Variants in GPC5 observed in about 807,000 individuals in gnomAD.
The protein encoded by GPC5 is glypican 5, also known as glypican-5.
Under a neutral mutation model 53.9 loss-of-function variants are expected in GPC5, and 47 were observed. That is an observed-to-expected ratio of 0.87 (90% CI 0.69 to 1.11). GPC5 has a LOEUF of 1.11. Among genes scored for constraint, GPC5 ranks in the 50% most tolerant of loss-of-function variants. The pLI is 0.00. For missense variants in GPC5, 748 were observed against 713.1 expected (o/e 1.05, Z -0.56); for synonymous variants, 286 against 263.3 (o/e 1.09, Z -0.84).
At chr13:91,874,557 T>C (rs1386597372) in intron 5 of GPC5, among the ~76,000 whole-genome samples, 1 of 152,200 alleles carries the variant, frequency 6.6e-6, no homozygotes, top group Non-Finnish European at 1.5e-5. Flanking sequence ...ACTACCCTTC[T>C]GTTGAATTTC....
intron 2 of GPC5, among the ~76,000 whole-genome samples, chr13:91,672,956 A>G (rs1284146094): frequency 6.6e-6 from 1 of 152,194 alleles, no homozygotes; most frequent in Non-Finnish European, 1.5e-5. Flanking sequence ...GCTGGAAGCC[A>G]TCATCCTCAG....
At chr13:92,328,059 C>T (rs1017470141) in intron 7 of GPC5, among the ~76,000 whole-genome samples, 1 of 152,154 alleles carries the variant, frequency 6.6e-6, no homozygotes, top group African/African-American at 2.4e-5. Context: ...GCTTTGCGTA[C>T]ACCTCTTGTG....
At chr13:91,700,499 T>G (rs2035970040) in intron 3 of GPC5, among the ~76,000 whole-genome samples, 1 of 152,214 alleles carries the variant, frequency 6.6e-6, no homozygotes, top group Non-Finnish European at 1.5e-5. Context: ...AGCAGAGGCC[T>G]CCTAGAAGAG....
intron 5 of GPC5, among the ~76,000 whole-genome samples, chr13:91,789,047 C>G (rs1013379875): frequency 6.6e-6 from 1 of 152,034 alleles, no homozygotes; most frequent in Non-Finnish European, 1.5e-5. Flanking sequence ...AACCCCATCT[C>G]TACTAAAAAT....
intron 5 of GPC5, among the ~76,000 whole-genome samples, chr13:91,833,086 C>A (rs1240183148): frequency 1.3e-5 from 2 of 152,076 alleles, no homozygotes; most frequent in East Asian, 3.9e-4. Flanking sequence ...CACAGAAATA[C>A]AAACTACCAT....
intron 6 of GPC5, among the ~76,000 whole-genome samples, chr13:92,025,911 T>C (rs2138798246): frequency 6.6e-6 from 1 of 152,314 alleles, no homozygotes; most frequent in South Asian, 2.1e-4. Context: ...TTTGTGAATG[T>C]CTTGATTCTT....
At chr13:91,652,353 G>A (rs1194753686) in intron 2 of GPC5, among the ~76,000 whole-genome samples, 1 of 152,054 alleles carries the variant, frequency 6.6e-6, no homozygotes, top group African/African-American at 2.4e-5. Context: ...CTCAGAATAT[G>A]ATTTTTATTT....
In GPC5 at chr13:92,745,115, ATTT is replaced by A. The variant is rs556635956; in HGVS notation, c.1562-121165_1562-121163del. The stretch of plus-strand genomic sequence containing the variant: ...TAAAACATTTTGACATTTGGGATTC[ATTT>A]TCAAATTTTAGCCCAAAATTTCATA... On this transcript the variant is annotated intron_variant, in intron 7 of 7. Transcript: ENST00000377067. Among the ~76,000 whole-genome samples the A allele has an allele frequency of 6.2e-3, 943 of 152,198 alleles. 12 individuals are homozygous for A. The highest frequency in any genetic ancestry group is 0.022 in the African/African-American group (896 of 41,542).
intron 7 of GPC5, among the ~76,000 whole-genome samples, chr13:92,580,525 G>C (rs1444142096): frequency 1.3e-5 from 2 of 152,132 alleles, no homozygotes; most frequent in Admixed American, 6.6e-5. Flanking sequence ...CTGAGGCTGA[G>C]TAATTTACAT....
At chr13:92,216,436 G>C (rs149154127) in intron 7 of GPC5, among the ~76,000 whole-genome samples, 79 of 152,264 alleles carry the variant, frequency 5.2e-4, no homozygotes, top group African/African-American at 1.7e-3. Context: ...GTTTATAGAG[G>C]AGCTTGTCAA....
chr13:92,183,628 T>C (rs755022073), intron 7 of GPC5, among the ~76,000 whole-genome samples: 3 of 152,148 alleles, frequency 2.0e-5, no homozygotes, highest in Non-Finnish European at 4.4e-5. Flanking sequence ...CTAGAATTTT[T>C]ATTTTGGTTG....
At chr13:91,652,763 A>C (rs1469840769) in intron 2 of GPC5, among the ~76,000 whole-genome samples, 1 of 152,180 alleles carries the variant, frequency 6.6e-6, no homozygotes, top group Non-Finnish European at 1.5e-5. Context: ...TGTAAGGAGG[A>C]CCTACTATAG....
At chr13:92,496,374 C>A (rs973251854) in intron 7 of GPC5, among the ~76,000 whole-genome samples, 5 of 151,968 alleles carry the variant, frequency 3.3e-5, no homozygotes, top group Non-Finnish European at 7.4e-5. Context: ...TCGATGTTTC[C>A]AATTTGAAAA....
At chr13:92,536,330 T>C (rs374357931) in intron 7 of GPC5, among the ~76,000 whole-genome samples, 31 of 152,250 alleles carry the variant, frequency 2.0e-4, no homozygotes, top group African/African-American at 7.5e-4. Context: ...GAAAGATGTA[T>C]ACCAATAAAA....
rs1566276658 is a variant in GPC5, at chr13:92,527,160, GAAAGAAAGAAAGAGAA to G, written c.1562-339120_1562-339105del. On this transcript the variant is annotated intron_variant, in intron 7 of 7. Transcript: ENST00000377067. ...AGAAAGAAAGAAAGAAAGAAAGAAA[GAAAGAAAGAAAGAGAA>G]AGAAAGAAGAAAGAAAGAAAGAAAG... 9.8e-4 allele frequency among the ~76,000 whole-genome samples: 106 copies of G among 107,946 alleles called. 3 individuals carry two copies. The highest frequency in any genetic ancestry group is 1.2e-3 in the Non-Finnish European group (63 of 51,094). The allele number at this position is 107,946 out of a possible 152,430, so 70.8% of individuals were successfully genotyped here.
At chr13:92,758,487 AAAG>A (rs1875008121) in intron 7 of GPC5, among the ~76,000 whole-genome samples, 1 of 152,134 alleles carries the variant, frequency 6.6e-6, no homozygotes, top group African/African-American at 2.4e-5. Flanking sequence ...ATAATAAAAA[AAAG>A]AATATTTTCT....
At chr13:91,639,125 C>T (rs773210084) in intron 2 of GPC5, among the ~76,000 whole-genome samples, 2 of 152,098 alleles carry the variant, frequency 1.3e-5, no homozygotes, top group Non-Finnish European at 2.9e-5. Context: ...TTTCTTCTGT[C>T]CCTCTGTCTT....
chr13:92,506,145 T>C (rs1880359757), intron 7 of GPC5, among the ~76,000 whole-genome samples: 1 of 152,206 alleles, frequency 6.6e-6, no homozygotes, highest in African/African-American at 2.4e-5. Context: ...AAAATAATTA[T>C]CCACTACATA....
At chr13:92,840,128 TAC>T (rs1878387090) in intron 7 of GPC5, among the ~76,000 whole-genome samples, 2 of 131,952 alleles carry the variant, frequency 1.5e-5, no homozygotes, top group Admixed American at 7.9e-5. Flanking sequence ...TATATATGAG[TAC>T]ACACAGTATT....
Sources: allele counts gnomAD v4.1 joint callset (sites outside exome capture counted in the v4.1 genomes callset), GRCh38; gene constraint gnomAD v4.1.1; transcripts MANE v1.5; gene names NCBI Gene and HGNC (gene_info 2026-07-23, HGNC 2026-07-21).